The following ADCY2 variants were observed in gnomAD, a reference collection of about 807,000 sequenced individuals.
ADCY2 encodes the protein adenylate cyclase 2.
A neutral mutation model predicts 125.2 loss-of-function variants in ADCY2; 31 were observed. The ratio of observed to expected loss-of-function variants is 0.25; its 90% confidence interval spans 0.19 to 0.33. The LOEUF is 0.33. Among genes scored for constraint, ADCY2 ranks in the 10% least tolerant of loss-of-function variants. ADCY2 has a pLI of 1.00. For missense variants in ADCY2, 904 were observed against 1,418.2 expected, an observed-to-expected ratio of 0.64 and a Z score of 5.82; for synonymous variants, 512 against 548.4, an observed-to-expected ratio of 0.93 and a Z score of 0.93.
intron 15 of ADCY2, among the ~76,000 whole-genome samples, chr5:7,754,261 AC>A (rs1157998334): frequency 6.6e-6 from 1 of 152,118 alleles, no homozygotes; most frequent in Non-Finnish European, 1.5e-5. Context: ...GATTATCACC[AC>A]GTATTTTTCT....
chr5:7,609,679 G>C (rs1260221286), intron 3 of ADCY2, among the ~76,000 whole-genome samples: 1 of 152,178 alleles, frequency 6.6e-6, no homozygotes, highest in Non-Finnish European at 1.5e-5. Flanking sequence ...AGCAGATGGA[G>C]AAATGCAAAA....
intron 23 of ADCY2, among the ~76,000 whole-genome samples, chr5:7,819,493 A>G (rs1745228175): frequency 6.6e-6 from 1 of 152,024 alleles, no homozygotes. Flanking sequence ...TGTTGAATGG[A>G]CCTCCTTCCA....
intron 3 of ADCY2, among the ~76,000 whole-genome samples, chr5:7,573,593 C>CTTTTTTTTTTTTTTTTTTTT (rs763347773): frequency 1.2e-5 from 1 of 86,374 alleles, no homozygotes; most frequent in Non-Finnish European, 2.4e-5. Context: ...GGTTGATTTT[C>CTTTTTTTTTTTTTTTTTTTT]TTTTTTTTTT....
chr5:7,608,084 A>G (rs1279592682), intron 3 of ADCY2, among the ~76,000 whole-genome samples: 1 of 152,258 alleles, frequency 6.6e-6, no homozygotes, highest in Non-Finnish European at 1.5e-5. Context: ...CAGGCAAAAA[A>G]GAATTAATTA....
chr5:7,736,357 T>C (rs1442898097), intron 14 of ADCY2, among the ~76,000 whole-genome samples: 1 of 152,244 alleles, frequency 6.6e-6, no homozygotes, highest in Non-Finnish European at 1.5e-5. Flanking sequence ...CCTATTTATA[T>C]TTTTCATTTC....
rs1481333984 is a variant in ADCY2, at chr5:7,709,970, A to C, written c.1578+583A>C. ...GGAGGAGAGAAAAGTAAATACAACC[A>C]AGCACTTAGGATAATCCCCATAGTA... On this transcript the variant is annotated intron_variant, in intron 10 of 24. Coordinates refer to ENST00000338316, the MANE Select transcript of ADCY2 (RefSeq NM_020546.3). This position sits in a 1 kb window ranked among gnomAD's most constrained non-coding sequence, Gnocchi z 4.4. 6.6e-6 allele frequency among the ~76,000 whole-genome samples: 1 copy of C among 152,188 alleles called. No individual in the cohort carries two copies. The highest frequency in any genetic ancestry group is 2.4e-5 in the African/African-American group (1 of 41,440).
chr5:7,788,996 C>T (rs1002098355), intron 19 of ADCY2, among the ~76,000 whole-genome samples: 12 of 152,190 alleles, frequency 7.9e-5, no homozygotes, highest in African/African-American at 2.7e-4. Flanking sequence ...GTAATAACTA[C>T]TTTTAAAATA....
chr5:7,560,217 A>G (rs1432954631), intron 3 of ADCY2, among the ~76,000 whole-genome samples: 1 of 152,208 alleles, frequency 6.6e-6, no homozygotes, highest in East Asian at 1.9e-4. Flanking sequence ...TTTGTTTATG[A>G]TGAGATCCAC....
At chr5:7,531,598 T>C (rs1734643838) in intron 3 of ADCY2, among the ~76,000 whole-genome samples, 1 of 152,194 alleles carries the variant, frequency 6.6e-6, no homozygotes, top group Admixed American at 6.5e-5. Context: ...GCCTCTCTCC[T>C]AGCTTCTGGT....
chr5:7,682,933 G>C (rs1740389423), intron 4 of ADCY2, among the ~76,000 whole-genome samples: 1 of 152,186 alleles, frequency 6.6e-6, no homozygotes, highest in Admixed American at 6.5e-5. Flanking sequence ...AAATCTTTTA[G>C]AGACATGACC....
chr5:7,436,540 T>C (rs1740808663), intron 2 of ADCY2, among the ~76,000 whole-genome samples: 1 of 152,216 alleles, frequency 6.6e-6, no homozygotes, highest in Non-Finnish European at 1.5e-5. Flanking sequence ...TTAGAAAACC[T>C]GTAGAACAGG....
At chr5:7,700,849 T>C (rs1473330927) in intron 7 of ADCY2, among the ~76,000 whole-genome samples, 1 of 151,244 alleles carries the variant, frequency 6.6e-6, no homozygotes, top group African/African-American at 2.4e-5. Context: ...AGATCAGAAA[T>C]GGGAGGGAAA....
At chr5:7,809,185 T>C (rs1347574635) in intron 22 of ADCY2, among the ~76,000 whole-genome samples, 3 of 152,230 alleles carry the variant, frequency 2.0e-5, no homozygotes, top group African/African-American at 7.2e-5. Context: ...CTGACTCAAA[T>C]AGAACAGAGA....
chr5:7,589,523 AG>A (rs879926561), intron 3 of ADCY2, among the ~76,000 whole-genome samples: 29,846 of 132,132 alleles, frequency 0.23, 4,034 homozygotes, highest in East Asian at 0.32. Context: ...AAGAAAAGAA[AG>A]AGAAAGAAAG....
chr5:7,780,337 C>T (rs755239479), intron 18 of ADCY2, among the ~76,000 whole-genome samples: 2 of 152,172 alleles, frequency 1.3e-5, no homozygotes, highest in Non-Finnish European at 2.9e-5. Context: ...ATTATCAATT[C>T]GGACAAGACA....
At chr5:7,419,712 C>A (rs1193273070) in intron 2 of ADCY2, among the ~76,000 whole-genome samples, 1 of 152,130 alleles carries the variant, frequency 6.6e-6, no homozygotes, top group Non-Finnish European at 1.5e-5. Flanking sequence ...TTCCAAGGGC[C>A]TAGGTCACCT....
intron 14 of ADCY2, among the ~76,000 whole-genome samples, chr5:7,741,852 C>T (rs1425484951): frequency 6.6e-6 from 1 of 151,910 alleles, no homozygotes; most frequent in Non-Finnish European, 1.5e-5. Context: ...TCGTCATCAC[C>T]ATCACCATCC....
chr5:7,796,620 G>T (rs4702500), intron 20 of ADCY2: 47,364 of 152,100 alleles, frequency 0.31, 8,716 homozygotes, highest in Non-Finnish European at 0.42. Flanking sequence ...CACTGGCTTT[G>T]CAGTGCCTCT....
chr5:7,421,665 C>G (rs1333590084), intron 2 of ADCY2, among the ~76,000 whole-genome samples: 1 of 152,190 alleles, frequency 6.6e-6, no homozygotes, highest in East Asian at 1.9e-4. Flanking sequence ...TGGGTGCTCT[C>G]TGGTAGTAGG....
Sources: allele counts gnomAD v4.1 joint callset (sites outside exome capture counted in the v4.1 genomes callset), GRCh38; gene constraint gnomAD v4.1.1; non-coding constraint Gnocchi (gnomAD v3.1); transcripts MANE v1.5; gene names NCBI Gene and HGNC (gene_info 2026-07-23, HGNC 2026-07-21).